IQSEC1: variants seen among roughly 807,000 people sequenced by gnomAD.
The protein encoded by IQSEC1 is IQ motif and SEC7 domain-containing protein 1.
In IQSEC1, 31 loss-of-function variants were observed where a neutral mutation model predicts 91.0. The observed-to-expected ratio is 0.34, with a 90% CI of 0.26 to 0.46. The LOEUF is 0.46. Among genes scored for constraint, IQSEC1 ranks in the 20% least tolerant of loss-of-function variants. The probability of loss-of-function intolerance (pLI) is 1.00; values close to 1 mark genes in which losing one functional copy is unlikely to be tolerated. For synonymous variants in IQSEC1, 699 were observed against 662.6 expected (o/e 1.05, Z -0.84); for missense variants, 1,388 against 1,575.6 (o/e 0.88, Z 2.02).
intron 1 of IQSEC1, among the ~76,000 whole-genome samples, chr3:13,164,265 C>T (rs190710495): frequency 3.3e-5 from 5 of 152,298 alleles, no homozygotes; most frequent in East Asian, 1.9e-4. Context: ...AGCAGACATC[C>T]GCAGGCCCAA....
chr3:12,989,204 G>T (rs1406739763), intron 1 of IQSEC1, among the ~76,000 whole-genome samples: 2 of 152,204 alleles, frequency 1.3e-5, no homozygotes, highest in Non-Finnish European at 2.9e-5. Context: ...CTCCCGGAGG[G>T]CATGGCTTTC....
rs531826605 is a variant in IQSEC1, at chr3:13,124,866, C to T, written c.302+39238G>A. 4.6e-5 allele frequency among the ~76,000 whole-genome samples: 7 copies of T among 152,292 alleles called. No individual in the cohort carries two copies. The East Asian group carries it at 1.4e-3, about 29-fold the overall frequency. On this transcript the variant is annotated intron_variant, in intron 2 of 15. Coordinates refer to the IQSEC1 transcript ENST00000648114. The stretch of plus-strand genomic sequence containing the variant: ...CACACAGCACCTGCCAGCAGTCGTT[C>T]AGCATTATGGTGAGGGTAGGTCCCC...
At position 12,936,024 on chromosome 3, in the gene IQSEC1, G is replaced by A; in HGVS notation, c.992C>T (p.Ala331Val). 6.2e-7 allele frequency: 1 copy of A among 1,601,726 alleles called. No individual in the cohort carries two copies. The highest frequency in any genetic ancestry group is 1.1e-5 in the South Asian group (1 of 91,064). Residue 331 changes from alanine to valine, a missense_variant, in exon 3 of 14, where the codon GCC becomes GTC. Coordinates refer to ENST00000613206, the MANE Select transcript of IQSEC1 (RefSeq NM_001134382.3). ...AGCCTTGTCCTCTTTGTGGGCCAGG[G>A]CCCAGTAGTCTGGGGCTGCGCCCCC... ...RAGGAAPDYW[A>V]LAHKEDKADT...
At chr3:13,058,872 C>T (rs1013927653) in intron 1 of IQSEC1, among the ~76,000 whole-genome samples, 1 of 152,202 alleles carries the variant, frequency 6.6e-6, no homozygotes, top group Admixed American at 6.5e-5. Context: ...AGCAGGGCGG[C>T]AGGCCTTGGG....
chr3:13,277,274 A>G (rs1695705238), intron 1 of IQSEC1, among the ~76,000 whole-genome samples: 1 of 151,464 alleles, frequency 6.6e-6, no homozygotes, highest in Non-Finnish European at 1.5e-5. Context: ...AACGTGACCG[A>G]CCCCTCTCAC....
chr3:13,068,340 A>G (rs1419298015), intron 1 of IQSEC1, among the ~76,000 whole-genome samples: 1 of 152,230 alleles, frequency 6.6e-6, no homozygotes, highest in African/African-American at 2.4e-5. Flanking sequence ...CTCAGTCTCT[A>G]AAATTCACCC....
In IQSEC1 at chr3:12,898,847, G is replaced by A. The variant is rs14191; in HGVS notation, c.*2136C>T. ...AGTTTAACGCTTCCAGGTCGGAACA[G>A]CCTCCTCAAAATTGCGAGACAGAGT... is the stretch of plus-strand genomic sequence containing the variant. On this transcript the variant is annotated 3_prime_UTR_variant, in exon 14 of 14. Coordinates refer to ENST00000613206, the MANE Select transcript of IQSEC1 (RefSeq NM_001134382.3). 0.83 allele frequency: 125,440 copies of A among 151,598 alleles called. 52,294 individuals carry two copies. Among genetic ancestry groups the A allele is most frequent in the African/African-American group, 0.96 (39,832 of 41,526 alleles). The allele number at this position is 151,598 out of a possible 1,614,324, so 9.4% of individuals were successfully genotyped here.
At chr3:13,163,554 C>G (rs1432984006) in intron 2 of IQSEC1, among the ~76,000 whole-genome samples, 1 of 152,160 alleles carries the variant, frequency 6.6e-6, no homozygotes, top group Non-Finnish European at 1.5e-5. Flanking sequence ...AGACCAGACC[C>G]TCTTCTAGGT....
intron 1 of IQSEC1, among the ~76,000 whole-genome samples, chr3:13,265,563 A>T (rs675152): frequency 3.3e-5 from 5 of 151,946 alleles, no homozygotes; most frequent in African/African-American, 1.2e-4. Context: ...GGAGTCTGGC[A>T]GTGGGCAGTC....
At chr3:13,125,952 C>A (rs1706505091) in intron 2 of IQSEC1, among the ~76,000 whole-genome samples, 1 of 152,180 alleles carries the variant, frequency 6.6e-6, no homozygotes, top group Non-Finnish European at 1.5e-5. Context: ...ATGCCTCCTG[C>A]ACTGCATGAG....
At chr3:13,276,612 A>G (rs932014017) in intron 1 of IQSEC1, among the ~76,000 whole-genome samples, 1 of 152,122 alleles carries the variant, frequency 6.6e-6, no homozygotes, top group African/African-American at 2.4e-5. Flanking sequence ...TGCTACGGGG[A>G]CAGGGCTAAC....
chr3:12,915,104 A>G lies in IQSEC1; in HGVS notation c.2190T>C (p.Cys730=). ...AAGGTAAAACCAGAGAAATACTCACACAGCCGAGCCCGGGATGCAGGGATC... is the reference window on the plus strand; with the variant it reads ...AAGGTAAAACCAGAGAAATACTCACGCAGCCGAGCCCGGGATGCAGGGATC... The part of the protein sequence containing the change: ...PIGSLHPGLG[C]VLSLPHRRLV... The change falls in exon 8 of 14, where the codon TGT becomes TGC. Residue 730 remains cysteine (C), a splice_region_variant and synonymous_variant. Transcript: ENST00000613206. 1 of 1,606,440 alleles carries G rather than the reference A, an allele frequency of 6.2e-7. No homozygotes were observed. The highest frequency in any genetic ancestry group is 8.5e-7 in the Non-Finnish European group (1 of 1,175,910).
At chr3:13,065,600 A>T (rs1230015668) in intron 1 of IQSEC1, among the ~76,000 whole-genome samples, 2 of 152,232 alleles carry the variant, frequency 1.3e-5, no homozygotes, top group African/African-American at 4.8e-5. Context: ...GATGGCGAAG[A>T]TGTGGAGAAA....
intron 2 of IQSEC1, among the ~76,000 whole-genome samples, chr3:13,092,638 G>A (rs929686206): frequency 6.6e-6 from 1 of 152,188 alleles, no homozygotes; most frequent in Non-Finnish European, 1.5e-5. Flanking sequence ...AATGGGAGAA[G>A]TCAATTTTAG....
chr3:12,902,696 C>CAAAA (rs1694494989), intron 13 of IQSEC1, 77 bp downstream of exon 13: 1 of 348,476 alleles, frequency 2.9e-6, no homozygotes, highest in African/African-American at 3.6e-5. Flanking sequence ...AAAAAAAAAC[C>CAAAA]AGGACAACAG....
chr3:13,238,819 C>T (rs1258424525), intron 1 of IQSEC1, among the ~76,000 whole-genome samples: 2 of 152,190 alleles, frequency 1.3e-5, no homozygotes, highest in Non-Finnish European at 2.9e-5. Context: ...GCAGCAGCCC[C>T]CAGGCCCTCC....
intron 2 of IQSEC1, among the ~76,000 whole-genome samples, chr3:13,082,981 GTGTCTATTC>G (rs1396261620): frequency 1.3e-5 from 2 of 152,206 alleles, no homozygotes; most frequent in African/African-American, 4.8e-5. Flanking sequence ...GCACGGCAGA[GTGTCTATTC>G]CTGCCCCGCC....
intron 2 of IQSEC1, among the ~76,000 whole-genome samples, chr3:13,146,965 G>A (rs1034407474): frequency 1.9e-4 from 29 of 152,300 alleles, no homozygotes; most frequent in African/African-American, 6.5e-4. Flanking sequence ...GAGTATCACT[G>A]TGAAGTCACA....
In IQSEC1 at chr3:13,270,300, G is replaced by A. The variant is rs568787694; in HGVS notation, c.272+12411C>T. ...TTACAGGCCAACAAATAAACCTTAC[G>A]GTGACTGAATGATGGATTAATTGAC... is the stretch of plus-strand genomic sequence containing the variant. On this transcript the variant is annotated intron_variant, in intron 1 of 15. Coordinates refer to the IQSEC1 transcript ENST00000648114. Among the ~76,000 whole-genome samples the A allele has an allele frequency of 4.9e-4, 74 of 152,260 alleles. 1 individual carries two copies. The South Asian group carries it at 0.012, about 25-fold the overall frequency.
Sources: gnomAD v4.1 joint callset for allele counts (sites outside exome capture counted in the v4.1 genomes callset) on GRCh38, gnomAD v4.1.1 for gene constraint, MANE v1.5 for transcripts, NCBI Gene and HGNC (gene_info 2026-07-23, HGNC 2026-07-21) for gene names.